The following MOB3B variants were observed in gnomAD, a reference collection of about 807,000 sequenced individuals.
The protein encoded by MOB3B is MOB kinase activator-like 2B.
MOB3B carries 7 observed loss-of-function variants against 18.7 expected under a neutral mutation model. The observed-to-expected ratio is 0.37, with a 90% CI of 0.21 to 0.70. The LOEUF (loss-of-function observed/expected upper bound fraction) is 0.70, where lower values mean the gene tolerates loss of function less well. Ranked by LOEUF, MOB3B falls within the 30% of genes least tolerant of loss-of-function variation. MOB3B has a pLI of 0.52. For missense variants in MOB3B, 253 were observed against 281.3 expected (o/e 0.90, Z 0.72); for synonymous variants, 111 against 99.9 (o/e 1.11, Z -0.66).
intron 1 of MOB3B, among the ~76,000 whole-genome samples, chr9:27,500,852 GA>G (rs1219870156): frequency 1.3e-5 from 2 of 152,086 alleles, no homozygotes; most frequent in Non-Finnish European, 2.9e-5. Context: ...CTACCCATCT[GA>G]CAAAGGGTTA....
intron 2 of MOB3B, among the ~76,000 whole-genome samples, chr9:27,436,000 C>A (rs1822494409): frequency 6.6e-6 from 1 of 152,142 alleles, no homozygotes; most frequent in Admixed American, 6.6e-5. Context: ...TCACACTTTC[C>A]TTCTTTTAGT....
chr9:27,445,482 A>C (rs1036966882), intron 2 of MOB3B, among the ~76,000 whole-genome samples: 1 of 152,088 alleles, frequency 6.6e-6, no homozygotes, highest in African/African-American at 2.4e-5. Context: ...TACTGCCCAC[A>C]GGTAGTTTCT....
chr9:27,354,234 T>C (rs1258334179), intron 3 of MOB3B, among the ~76,000 whole-genome samples: 2 of 152,198 alleles, frequency 1.3e-5, no homozygotes, highest in Non-Finnish European at 2.9e-5. Flanking sequence ...CAAACTGTAT[T>C]CCCACTCAGA....
chr9:27,526,839 C>T (rs1375293251), intron 1 of MOB3B, among the ~76,000 whole-genome samples: 1 of 151,996 alleles, frequency 6.6e-6, no homozygotes, highest in African/African-American at 2.4e-5. Flanking sequence ...ATCAGTATGA[C>T]AGAAAAGAAA....
intron 1 of MOB3B, among the ~76,000 whole-genome samples, chr9:27,476,322 G>A (rs1028675123): frequency 6.6e-6 from 1 of 152,194 alleles, no homozygotes; most frequent in African/African-American, 2.4e-5. Context: ...GAAGGCACTA[G>A]GGAGAAATCT....
chr9:27,335,230 A>G (rs1353700967), intron 3 of MOB3B, among the ~76,000 whole-genome samples: 1 of 152,242 alleles, frequency 6.6e-6, no homozygotes, highest in Non-Finnish European at 1.5e-5. Flanking sequence ...AGCGCCAAAA[A>G]GCAGTGACAT....
At chr9:27,510,464 T>C (rs1820126132) in intron 1 of MOB3B, among the ~76,000 whole-genome samples, 1 of 152,216 alleles carries the variant, frequency 6.6e-6, no homozygotes, top group South Asian at 2.1e-4. Flanking sequence ...CCCCAAAACA[T>C]TAATTCCTCA....
intron 1 of MOB3B, among the ~76,000 whole-genome samples, chr9:27,520,522 C>A (rs1820307286): frequency 6.6e-6 from 1 of 152,180 alleles, no homozygotes; most frequent in Non-Finnish European, 1.5e-5. Context: ...ACATTCAATA[C>A]CTCTGGCTTT....
intron 2 of MOB3B, among the ~76,000 whole-genome samples, chr9:27,424,126 C>T (rs545645201): frequency 1.3e-5 from 2 of 152,200 alleles, no homozygotes; most frequent in Non-Finnish European, 1.5e-5. Flanking sequence ...GACAGTTAAT[C>T]ATCACTCACA....
chr9:27,493,228 C>T (rs1260581378), intron 1 of MOB3B, among the ~76,000 whole-genome samples: 1 of 152,156 alleles, frequency 6.6e-6, no homozygotes, highest in African/African-American at 2.4e-5. Context: ...GAGGGACCGG[C>T]TGAAGCCATG....
chr9:27,395,008 G>A (rs1198950076), intron 2 of MOB3B, among the ~76,000 whole-genome samples: 1 of 152,194 alleles, frequency 6.6e-6, no homozygotes, highest in East Asian at 1.9e-4. Context: ...GCTGATGAGA[G>A]GTCCAGGCAC....
chr9:27,346,472 C>G (rs1399862645), intron 3 of MOB3B, among the ~76,000 whole-genome samples: 10 of 152,178 alleles, frequency 6.6e-5, no homozygotes, highest in Non-Finnish European at 1.3e-4. Context: ...CAGTATTTAT[C>G]TCATAGACTT....
chr9:27,328,757 A>G lies in MOB3B; in HGVS notation c.*1830T>C, dbSNP rs1323287666. 1 of 152,516 alleles carries G rather than the reference A, an allele frequency of 6.6e-6. No homozygotes were observed. The highest frequency in any genetic ancestry group is 1.5e-5 in the Non-Finnish European group (1 of 68,050). The allele number at this position is 152,516 out of a possible 1,614,324, so 9.4% of individuals were successfully genotyped here. On this transcript the variant is annotated 3_prime_UTR_variant, in exon 4 of 4. Transcript: ENST00000262244. ...CCCATCTGGTAACTGTGTATTGCAG[A>G]GGCTGGGACTTAGGGGCTCTTGTTT...
chr9:27,357,976 C>T (rs955178119), intron 3 of MOB3B, among the ~76,000 whole-genome samples: 3 of 145,220 alleles, frequency 2.1e-5, no homozygotes, highest in African/African-American at 7.6e-5. Context: ...GGGAGGAGTG[C>T]TTGAACCTAG....
At chr9:27,333,011 T>A (rs1229959925) in intron 3 of MOB3B, among the ~76,000 whole-genome samples, 1 of 152,226 alleles carries the variant, frequency 6.6e-6, no homozygotes, top group Non-Finnish European at 1.5e-5. Flanking sequence ...CAGATTTTTT[T>A]CTTTATCCAG....
chr9:27,368,211 A>G (rs947052248), intron 2 of MOB3B, among the ~76,000 whole-genome samples: 2 of 152,148 alleles, frequency 1.3e-5, no homozygotes, highest in African/African-American at 4.8e-5. Flanking sequence ...AACAAAACAC[A>G]TGAACAACAC....
chr9:27,423,020 TAC>T (rs1219291095), intron 2 of MOB3B, among the ~76,000 whole-genome samples: 1 of 152,168 alleles, frequency 6.6e-6, no homozygotes, highest in Non-Finnish European at 1.5e-5. Context: ...CTGAAAATAC[TAC>T]AGAGCTGAGG....
At chr9:27,492,238 A>T (rs1376074821) in intron 1 of MOB3B, among the ~76,000 whole-genome samples, 1 of 152,156 alleles carries the variant, frequency 6.6e-6, no homozygotes, top group East Asian at 1.9e-4. Context: ...TACGGAAGAG[A>T]TTAACTTTTT....
rs201315655 is a variant in MOB3B at position 27,475,101 on chromosome 9, CT to C, written c.-198-19354del. 6.4e-3 allele frequency among the ~76,000 whole-genome samples: 976 copies of C among 152,314 alleles called. 11 individuals carry two copies. Among genetic ancestry groups the C allele is most frequent in the African/African-American group, 0.022 (895 of 41,586 alleles). Reference sequence around the variant, plus strand: ...CTTGCTCTCGCTTTGATGATGCCAGCTGCCATGTTGTGAGCTCTCCTCCTGA... The same window carrying C: ...CTTGCTCTCGCTTTGATGATGCCAGCGCCATGTTGTGAGCTCTCCTCCTGA... On this transcript the variant is annotated intron_variant, in intron 1 of 3. Transcript: ENST00000262244.
Sources: allele counts gnomAD v4.1 joint callset (sites outside exome capture counted in the v4.1 genomes callset), GRCh38; gene constraint gnomAD v4.1.1; transcripts MANE v1.5; gene names NCBI Gene and HGNC (gene_info 2026-07-23, HGNC 2026-07-21).